CRTAC1: variants seen among roughly 807,000 people sequenced by gnomAD.
CRTAC1 encodes the protein acidic secreted protein in cartilage.
Under a neutral mutation model 67.8 loss-of-function variants are expected in CRTAC1, and 37 were observed. The ratio of observed to expected loss-of-function variants is 0.55; its 90% confidence interval spans 0.42 to 0.72. CRTAC1 has a LOEUF of 0.72. Ranked by LOEUF, CRTAC1 falls within the 30% of genes least tolerant of loss-of-function variation. The pLI, the probability that CRTAC1 is intolerant of heterozygous loss-of-function variation, is 0.00. For synonymous variants in CRTAC1, 348 were observed against 371.0 expected (o/e 0.94, Z 0.71); for missense variants, 780 against 931.6 (o/e 0.84, Z 2.12).
intron 3 of CRTAC1, among the ~76,000 whole-genome samples, chr10:97,925,895 C>G (rs2050909604): frequency 6.6e-6 from 1 of 152,034 alleles, no homozygotes; most frequent in Non-Finnish European, 1.5e-5. Context: ...GTGGCTCCAC[C>G]CAGGAGAGGA....
intron 2 of CRTAC1, among the ~76,000 whole-genome samples, chr10:97,963,621 T>C (rs2051562724): frequency 6.6e-6 from 1 of 152,216 alleles, no homozygotes; most frequent in Non-Finnish European, 1.5e-5. Context: ...CTTTTAAAAC[T>C]CTGATGGTTA....
chr10:98,030,347 G>A lies in CRTAC1; in HGVS notation c.24+102C>T, dbSNP rs947904902. 4 of 730,150 alleles carry A rather than the reference G, an allele frequency of 5.5e-6. No individual in the cohort carries two copies. Among genetic ancestry groups the A allele is most frequent in the Non-Finnish European group, 7.7e-6 (4 of 521,054 alleles). The allele number at this position is 730,150 out of a possible 1,614,324, so 45.2% of individuals were successfully genotyped here. ...GCGATCCCAGTCTTCCCGGGTTCCCGGGCGGCGTCCCCGCCACCCTTGCGG... is the reference window on the plus strand; with the variant it reads ...GCGATCCCAGTCTTCCCGGGTTCCCAGGCGGCGTCCCCGCCACCCTTGCGG... On this transcript the variant is annotated intron_variant, in intron 1 of 14. Coordinates refer to ENST00000370597, the MANE Select transcript of CRTAC1 (RefSeq NM_018058.7). This position sits in a 1 kb window ranked among gnomAD's most constrained non-coding sequence, Gnocchi z 4.2.
In CRTAC1 at chr10:97,923,244, C is replaced by T; in HGVS notation, c.558+20G>A. 6 of 1,613,758 alleles carry T rather than the reference C, an allele frequency of 3.7e-6. No individual in the cohort carries two copies. Among genetic ancestry groups the T allele is most frequent in the Non-Finnish European group, 5.1e-6 (6 of 1,179,988 alleles). ...TCTCATGTGGCTTCTCCCCAGGACC[C>T]CATGTGCCCCTGCACTCACCTTTCT... is the stretch of plus-strand genomic sequence containing the variant. On this transcript the variant is annotated intron_variant, in intron 4 of 14. Coordinates refer to ENST00000370597, the MANE Select transcript of CRTAC1 (RefSeq NM_018058.7).
intron 2 of CRTAC1, among the ~76,000 whole-genome samples, chr10:97,987,130 A>C (rs1375460903): frequency 1.3e-5 from 2 of 152,220 alleles, no homozygotes; most frequent in African/African-American, 4.8e-5. Flanking sequence ...TATCTGAAAC[A>C]CATGCACACA....
Position 97,901,561 on chromosome 10 carries a change from G to A in CRTAC1, c.1075C>T (p.Leu359=), listed in dbSNP as rs1222232215. ...GCAATGTTGTTGAAGAAGATCTCCA[G>A]CTCCTGGTCATTGTCAAAGTCGGCG... ...ITADFDNDQE[L]EIFFNNIAYR... Residue 359 remains leucine (L), a synonymous_variant, in exon 8 of 15, where the codon CTG becomes TTG. Transcript: ENST00000370597. 3.1e-6 allele frequency: 5 copies of A among 1,614,100 alleles called. No homozygotes were observed. Among genetic ancestry groups the A allele is most frequent in the Non-Finnish European group, 4.2e-6 (5 of 1,180,042 alleles).
At chr10:98,022,367 A>G (rs571960409) in intron 1 of CRTAC1, among the ~76,000 whole-genome samples, 25 of 152,218 alleles carry the variant, frequency 1.6e-4, no homozygotes, top group African/African-American at 3.1e-4. Context: ...AAAAGAAAAA[A>G]AAAGAAAGAA....
chr10:97,997,134 T>C (rs950398345), intron 2 of CRTAC1, among the ~76,000 whole-genome samples: 13 of 149,910 alleles, frequency 8.7e-5, no homozygotes, highest in Non-Finnish European at 1.8e-4. Context: ...TACCTAATGC[T>C]AAATGATGAG....
intron 4 of CRTAC1, among the ~76,000 whole-genome samples, chr10:97,921,950 TGC>T (rs1169341634): frequency 2.0e-5 from 3 of 151,620 alleles, no homozygotes; most frequent in Non-Finnish European, 2.9e-5. Context: ...TGTGGTTAAA[TGC>T]GTGGGTGTGC....
At chr10:97,867,482 C>T (rs556485742) in intron 14 of CRTAC1, 1 of 152,352 alleles carries the variant, frequency 6.6e-6, no homozygotes, top group East Asian at 1.9e-4. Context: ...AAGGGCCTAC[C>T]CAGAGACCAG....
chr10:97,878,228 C>A (rs765701720), intron 14 of CRTAC1, among the ~76,000 whole-genome samples: 2 of 152,132 alleles, frequency 1.3e-5, no homozygotes, highest in Admixed American at 6.5e-5. Context: ...TCTCTGGAGC[C>A]CTTTCAGATC....
chr10:97,892,905 C>G (rs575762720), intron 11 of CRTAC1, among the ~76,000 whole-genome samples: 15 of 152,244 alleles, frequency 9.9e-5, no homozygotes, highest in South Asian at 6.2e-4. Flanking sequence ...GCTTCTTTTT[C>G]AGACTACACA....
At chr10:97,869,591 G>A (rs1282807697) in intron 14 of CRTAC1, 1 of 152,388 alleles carries the variant, frequency 6.6e-6, no homozygotes, top group African/African-American at 2.4e-5. Context: ...GCGGGTGTGT[G>A]TGAAACCACA....
chr10:98,003,996 T>A (rs549625800), intron 2 of CRTAC1, among the ~76,000 whole-genome samples: 2 of 152,182 alleles, frequency 1.3e-5, no homozygotes, highest in Non-Finnish European at 2.9e-5. Context: ...CTAGGTAACC[T>A]TTTTTAGAAA....
At chr10:97,948,327 A>T (rs2051297004) in intron 2 of CRTAC1, among the ~76,000 whole-genome samples, 1 of 152,192 alleles carries the variant, frequency 6.6e-6, no homozygotes, top group African/African-American at 2.4e-5. Flanking sequence ...GAAGCCACTG[A>T]TAACCTTCAA....
At chr10:97,936,396 G>A (rs2051089416) in intron 2 of CRTAC1, 30 bp from the exon 3 acceptor site, 7 of 1,577,432 alleles carry the variant, frequency 4.4e-6, no homozygotes, top group Non-Finnish European at 6.1e-6. Context: ...GGGATGCTGG[G>A]GAGGAGCCGC....
At chr10:97,878,491 T>A in intron 14 of CRTAC1, 3 of 796,734 alleles carry the variant, frequency 3.8e-6, no homozygotes, top group Non-Finnish European at 3.3e-6. Context: ...GTTGCTGCAT[T>A]CTTAAGTGTA....
chr10:97,900,563 G>A (rs1010607957), intron 8 of CRTAC1, among the ~76,000 whole-genome samples: 3 of 129,650 alleles, frequency 2.3e-5, no homozygotes, highest in African/African-American at 3.4e-5. Context: ...TCCTGGTAGT[G>A]ATTGGAGCCC....
chr10:97,953,697 C>T (rs962426921), intron 2 of CRTAC1, among the ~76,000 whole-genome samples: 4 of 152,162 alleles, frequency 2.6e-5, no homozygotes, highest in South Asian at 2.1e-4. Context: ...AACTAAAGCC[C>T]GAGGTCAGTC....
intron 2 of CRTAC1, among the ~76,000 whole-genome samples, chr10:98,005,971 T>C (rs192858121): frequency 1.8e-4 from 27 of 152,322 alleles, no homozygotes; most frequent in Non-Finnish European, 3.2e-4. Context: ...CTTCCAAGTG[T>C]GAAGAATGTG....
Sources: allele counts gnomAD v4.1 joint callset (sites outside exome capture counted in the v4.1 genomes callset), GRCh38; gene constraint gnomAD v4.1.1; non-coding constraint Gnocchi (gnomAD v3.1); transcripts MANE v1.5; gene names NCBI Gene and HGNC (gene_info 2026-07-23, HGNC 2026-07-21).